The following SCN3A variants were observed in gnomAD, a reference collection of about 807,000 sequenced individuals.
The protein encoded by SCN3A is sodium channel protein type 3 subunit alpha.
A neutral mutation model predicts 187.6 loss-of-function variants in SCN3A; 60 were observed. The ratio of observed to expected loss-of-function variants is 0.32; its 90% CI spans 0.26 to 0.40. The LOEUF (loss-of-function observed/expected upper bound fraction) is 0.40, where lower values mean the gene tolerates loss of function less well. Among genes scored for constraint, SCN3A ranks in the 10% least tolerant of loss-of-function variants. The probability of loss-of-function intolerance (pLI) is 1.00; values close to 1 mark genes in which losing one functional copy is unlikely to be tolerated. For synonymous variants in SCN3A, 788 were observed against 829.2 expected (o/e 0.95, Z 0.85); for missense variants, 1,601 against 2,428.2 (o/e 0.66, Z 7.16).
intron 11 of SCN3A, among the ~76,000 whole-genome samples, chr2:165,149,249 C>T (rs1559233139): frequency 6.6e-6 from 1 of 151,664 alleles, no homozygotes; most frequent in Non-Finnish European, 1.5e-5. Context: ...GATCTCGGCT[C>T]ACTGCAACCT....
intron 18 of SCN3A, among the ~76,000 whole-genome samples, chr2:165,118,201 A>G (rs1686467667): frequency 6.6e-6 from 1 of 151,832 alleles, no homozygotes; most frequent in Non-Finnish European, 1.5e-5. Flanking sequence ...AGAGAGGGAC[A>G]GTGATCACAG....
rs1300725936 is a variant in SCN3A, at chr2:165,203,917, T to A, written c.-342A>T. 3.5e-5 allele frequency: 4 copies of A among 114,954 alleles called. No individual in the cohort carries two copies. The highest frequency in any genetic ancestry group is 1.1e-4 in the African/African-American group (4 of 36,344). The allele number at this position is 114,954 out of a possible 1,614,324, so 7.1% of individuals were successfully genotyped here. On this transcript the variant is annotated 5_prime_UTR_variant, in exon 1 of 28. Transcript: ENST00000283254. ...TGTCTTCCTCTGCAGCTGTTCAGCTTTTTTTTTTTTTTTTTTTTTTGACCA... is the reference window on the plus strand; with the variant it reads ...TGTCTTCCTCTGCAGCTGTTCAGCTATTTTTTTTTTTTTTTTTTTTGACCA...
At chr2:165,132,488 C>T (rs917626036) in intron 15 of SCN3A, among the ~76,000 whole-genome samples, 4 of 152,206 alleles carry the variant, frequency 2.6e-5, no homozygotes, top group Non-Finnish European at 5.9e-5. Context: ...GTATCTACAA[C>T]TGTCTAATCT....
At chr2:165,200,143 T>A (rs1372437099) in intron 1 of SCN3A, among the ~76,000 whole-genome samples, 1 of 152,064 alleles carries the variant, frequency 6.6e-6, no homozygotes, top group African/African-American at 2.4e-5. Context: ...TGAAAGCAGT[T>A]AGAATTAAAA....
At chr2:165,161,689 T>C (rs922974972) in intron 9 of SCN3A, among the ~76,000 whole-genome samples, 1 of 152,206 alleles carries the variant, frequency 6.6e-6, no homozygotes, top group African/African-American at 2.4e-5. Context: ...AGGAAAATAT[T>C]TAAGGGTTAG....
At chr2:165,117,816 G>C (rs1349289554) in intron 18 of SCN3A, among the ~76,000 whole-genome samples, 3 of 152,056 alleles carry the variant, frequency 2.0e-5, no homozygotes, top group African/African-American at 7.2e-5. Context: ...AATTATACAT[G>C]TATACACACA....
chr2:165,097,128 G>A lies in SCN3A; in HGVS notation c.4239+124C>T, dbSNP rs1296640039. On this transcript the variant is annotated intron_variant, in intron 23 of 27. Coordinates refer to ENST00000283254, the MANE Select transcript of SCN3A (RefSeq NM_006922.4). Reference sequence around the variant, plus strand: ...ATGATCAATTCAAGCTGATATTATAGGTGTTATCATTAACTTTTTTTCATG... The same window carrying A: ...ATGATCAATTCAAGCTGATATTATAAGTGTTATCATTAACTTTTTTTCATG... 6 of 896,520 alleles carry A rather than the reference G, an allele frequency of 6.7e-6. No homozygotes were observed. The Admixed American group carries it at 1.1e-4, about 17-fold the overall frequency. 55.5% of individuals were successfully genotyped at this position (896,520 alleles called of 1,614,324 possible).
rs374167456 is a variant in SCN3A, at chr2:165,137,985, A to G, written c.2285T>C (p.Val762Ala). 8 of 1,613,494 alleles carry G rather than the reference A, an allele frequency of 5.0e-6. No homozygotes were observed. The highest frequency in any genetic ancestry group is 1.3e-5 in the African/African-American group (1 of 74,896). The change falls in exon 15 of 28, where the codon GTT becomes GCT. Residue 762 changes from valine (V) to alanine (A), a missense_variant. Physicochemically the swap from Val to Ala is moderately conservative, Grantham distance 64 (BLOSUM62 0). Transcript: ENST00000283254. The stretch of plus-strand genomic sequence containing the variant: ...AATGCAAATAGTGATGGCAAGATCA[A>G]CAAATGGATCCATAACAATTAAATT... ...LVNLIVMDPF[V>A]DLAITICIVL...
intron 5 of SCN3A, among the ~76,000 whole-genome samples, chr2:165,166,423 G>A (rs1440334679): frequency 6.6e-6 from 1 of 152,170 alleles, no homozygotes; most frequent in Non-Finnish European, 1.5e-5. Context: ...CTATGTTCCT[G>A]TAACTTTGGT....
intron 21 of SCN3A, among the ~76,000 whole-genome samples, chr2:165,105,653 G>A (rs943585181): frequency 6.6e-5 from 10 of 152,146 alleles, no homozygotes; most frequent in African/African-American, 2.2e-4. Context: ...GGAATAGAGC[G>A]CAGGCTTCCA....
chr2:165,109,890 C>T (rs534239100), intron 21 of SCN3A, among the ~76,000 whole-genome samples: 13 of 152,252 alleles, frequency 8.5e-5, no homozygotes, highest in African/African-American at 2.6e-4. Context: ...TTCTACCACT[C>T]TCACTCATGT....
intron 18 of SCN3A, among the ~76,000 whole-genome samples, chr2:165,125,885 GA>G (rs1264769489): frequency 6.6e-6 from 1 of 152,058 alleles, no homozygotes; most frequent in African/African-American, 2.4e-5. Flanking sequence ...AATTAGAGTT[GA>G]ACTCACTTAG....
intron 1 of SCN3A, chr2:165,195,684 A>G (rs1574353566): frequency 6.6e-6 from 1 of 152,114 alleles, no homozygotes; most frequent in African/African-American, 2.4e-5. Context: ...TGTTTTCTGA[A>G]CTGGCACCAC....
At chr2:165,142,029 T>C (rs1054300622) in intron 12 of SCN3A, among the ~76,000 whole-genome samples, 1 of 152,194 alleles carries the variant, frequency 6.6e-6, no homozygotes, top group Non-Finnish European at 1.5e-5. Context: ...TATTCTTGTC[T>C]TGCAGATAGT....
intron 15 of SCN3A, among the ~76,000 whole-genome samples, chr2:165,131,757 C>T (rs564622908): frequency 5.1e-4 from 64 of 125,844 alleles, no homozygotes; most frequent in Non-Finnish European, 8.2e-4. Context: ...CCCCCTCCCC[C>T]GACCCCACAA....
intron 18 of SCN3A, among the ~76,000 whole-genome samples, chr2:165,118,065 T>G (rs1029586492): frequency 6.6e-6 from 1 of 152,204 alleles, no homozygotes; most frequent in African/African-American, 2.4e-5. Context: ...CATATGGACC[T>G]CTGGTTGTAT....
intron 3 of SCN3A, among the ~76,000 whole-genome samples, chr2:165,174,189 G>A (rs1690302837): frequency 6.6e-6 from 1 of 152,188 alleles, no homozygotes; most frequent in Non-Finnish European, 1.5e-5. Flanking sequence ...GATTACAGGT[G>A]TGGGCCATCA....
chr2:165,163,654 C>T lies in SCN3A; in HGVS notation c.658G>A (p.Val220Ile). The T allele has an allele frequency of 1.2e-6, 2 of 1,614,072 alleles. No homozygotes were observed. The part of the protein sequence containing the change: ...GNVSALRTFR[V>I]LRALKTISVI... ...GAAATTGTTTTCAGTGCTCGGAGAA[C>T]TCTGAATGTTCTCAACGCTGAGACA... Residue 220 changes from valine (V) to isoleucine (I), a missense_variant, in exon 7 of 28, where the codon GTT becomes ATT. Val to Ile is a conservative substitution (Grantham distance 29). Transcript: ENST00000283254.
chr2:165,092,279 A>G lies in SCN3A; in HGVS notation c.4782T>C (p.Phe1594=), dbSNP rs368851326. 92 of 1,613,920 alleles carry G rather than the reference A, an allele frequency of 5.7e-5. No individual in the cohort carries two copies. The highest frequency in any genetic ancestry group is 7.5e-5 in the Non-Finnish European group (89 of 1,179,942). The change falls in exon 27 of 28, where the codon TTT becomes TTC. Residue 1594 remains phenylalanine, a synonymous_variant. Coordinates refer to ENST00000283254, the MANE Select transcript of SCN3A (RefSeq NM_006922.4). The surrounding 1 kb of genome is among the most constrained non-coding windows in gnomAD (Gnocchi z 4.2). ...CTACAATGGAGAGAATCACCACCAC[A>G]AAGTCAAAGATGTTCCAGCCTATAG... is the stretch of plus-strand genomic sequence containing the variant. The part of the protein sequence containing the change: ...YFTIGWNIFD[F]VVVILSIVGM...
Sources: allele counts gnomAD v4.1 joint callset (sites outside exome capture counted in the v4.1 genomes callset), GRCh38; gene constraint gnomAD v4.1.1; non-coding constraint Gnocchi (gnomAD v3.1); transcripts MANE v1.5; gene names NCBI Gene and HGNC (gene_info 2026-07-23, HGNC 2026-07-21).